Variants in SMG6 observed in about 807,000 individuals in gnomAD.
SMG6 encodes telomerase-binding protein EST1A.
In SMG6, 66 loss-of-function variants were observed where a neutral mutation model predicts 142.2. The ratio of observed to expected loss-of-function variants is 0.46; its 90% confidence interval spans 0.38 to 0.57. SMG6 has a LOEUF of 0.57. Ranked by LOEUF, SMG6 falls within the 20% of genes least tolerant of loss-of-function variation. The pLI, the probability that SMG6 is intolerant of heterozygous loss-of-function variation, is 0.00. For synonymous variants in SMG6, 779 were observed against 702.4 expected, an observed-to-expected ratio of 1.11 and a Z score of -1.72; for missense variants, 1,793 against 1,832.0, an observed-to-expected ratio of 0.98 and a Z score of 0.39.
At chr17:2,088,783 A>G in intron 13 of SMG6, 3 of 985,476 alleles carry the variant, frequency 3.0e-6, no homozygotes, top group Non-Finnish European at 3.6e-6. Flanking sequence ...AGAGGCACAG[A>G]GAAACCTTCT....
chr17:2,211,393 G>A (rs1464477008), intron 10 of SMG6, among the ~76,000 whole-genome samples: 3 of 152,090 alleles, frequency 2.0e-5, no homozygotes, highest in Non-Finnish European at 2.9e-5. Flanking sequence ...GGCCAGGCGC[G>A]GTGGCTCACG....
chr17:2,230,442 G>A (rs1178032971), intron 10 of SMG6, among the ~76,000 whole-genome samples: 1 of 151,686 alleles, frequency 6.6e-6, no homozygotes, highest in Non-Finnish European at 1.5e-5. Context: ...AAGCAGCCAT[G>A]GACACCAAAC....
At chr17:2,146,716 C>G (rs1267228667) in intron 13 of SMG6, among the ~76,000 whole-genome samples, 1 of 152,154 alleles carries the variant, frequency 6.6e-6, no homozygotes, top group East Asian at 1.9e-4. Context: ...CAGGCGCATG[C>G]TGCCACGCCC....
chr17:2,268,284 T>C (rs569413784), intron 8 of SMG6, among the ~76,000 whole-genome samples: 7 of 152,278 alleles, frequency 4.6e-5, no homozygotes, highest in East Asian at 1.9e-4. Flanking sequence ...CTCTAGGAAT[T>C]AGAACTCATT....
intron 10 of SMG6, among the ~76,000 whole-genome samples, chr17:2,230,043 G>A (rs1238145984): frequency 4.0e-5 from 6 of 150,886 alleles, no homozygotes; most frequent in Non-Finnish European, 5.9e-5. Flanking sequence ...AAAATTAGCC[G>A]GGTGTGGTGG....
chr17:2,277,194 A>T (rs2074678177), intron 8 of SMG6, among the ~76,000 whole-genome samples: 2 of 127,300 alleles, frequency 1.6e-5, no homozygotes, highest in Non-Finnish European at 3.2e-5. Flanking sequence ...TTTGAGACAG[A>T]GTCTCGCTGT....
intron 8 of SMG6, among the ~76,000 whole-genome samples, chr17:2,251,284 C>A (rs1597711619): frequency 6.6e-6 from 1 of 150,404 alleles, no homozygotes; most frequent in African/African-American, 2.4e-5. Flanking sequence ...AAAAAAAAAG[C>A]ACGGGAAAAC....
chr17:2,199,789 T>A (rs2072457218), intron 10 of SMG6: 1 of 150,486 alleles, frequency 6.6e-6, no homozygotes, highest in Non-Finnish European at 1.5e-5. Context: ...GTGCCTGTAG[T>A]CCCAGCTACT....
chr17:2,242,360 A>G (rs1274970489), intron 9 of SMG6, among the ~76,000 whole-genome samples: 1 of 134,448 alleles, frequency 7.4e-6, no homozygotes, highest in Non-Finnish European at 1.6e-5. Context: ...AAGATACAAA[A>G]AAAAAAAAAA....
In SMG6 at chr17:2,188,478, T is replaced by G. The variant is rs764189966; in HGVS notation, c.2907A>C (p.Glu969Asp). The G allele has an allele frequency of 1.9e-6, 3 of 1,613,990 alleles. No individual in the cohort carries two copies. The East Asian group carries it at 6.7e-5, about 36-fold the overall frequency. The stretch of plus-strand genomic sequence containing the variant: ...TGGCCAAGCCCAGAGCTGCGGCTTG[T>G]TCCTGGATCACAGAGCGGCACTCCT... ...FSEECRSVIQ[E>D]QAAALGLAMF... is the part of the protein sequence containing the mutation. Residue 969 changes from glutamate to aspartate, a missense_variant, in exon 11 of 19, where the codon GAA becomes GAC. Physicochemically the swap from Glu to Asp is conservative, Grantham distance 45 (BLOSUM62 2). Around this residue, in one of 3 missense-constraint regions of SMG6, gnomAD observed 1,597 missense variants for 1,584.6 expected, o/e 1.01. Coordinates refer to ENST00000263073, the MANE Select transcript of SMG6 (RefSeq NM_017575.5).
intron 10 of SMG6, among the ~76,000 whole-genome samples, chr17:2,203,861 C>T (rs1429163363): frequency 1.3e-5 from 2 of 152,156 alleles, no homozygotes; most frequent in Non-Finnish European, 2.9e-5. Flanking sequence ...CTGCAGACAC[C>T]CTGATTCAGA....
At chr17:2,133,526 T>C (rs138637014) in intron 13 of SMG6, among the ~76,000 whole-genome samples, 29 of 152,278 alleles carry the variant, frequency 1.9e-4, no homozygotes, top group Non-Finnish European at 3.7e-4. Flanking sequence ...GATTTTTAGC[T>C]AAGAGTATGA....
At chr17:2,209,228 T>C (rs758778874) in intron 10 of SMG6, among the ~76,000 whole-genome samples, 2 of 152,200 alleles carry the variant, frequency 1.3e-5, no homozygotes, top group Admixed American at 6.5e-5. Context: ...TGGTTTTGTA[T>C]TGAGATGGAG....
intron 10 of SMG6, among the ~76,000 whole-genome samples, chr17:2,217,448 C>T (rs770387802): frequency 6.6e-5 from 10 of 152,062 alleles, no homozygotes; most frequent in East Asian, 1.9e-4. Context: ...TGAAGCCACA[C>T]GGTCTTCAGG....
intron 1 of SMG6, among the ~76,000 whole-genome samples, chr17:2,301,852 A>T (rs1442448232): frequency 1.3e-5 from 2 of 152,190 alleles, no homozygotes; most frequent in African/African-American, 4.8e-5. Context: ...CTGGTTTTTT[A>T]AAAAAGTATC....
At chr17:2,118,402 A>G (rs1347903801) in intron 13 of SMG6, among the ~76,000 whole-genome samples, 1 of 152,078 alleles carries the variant, frequency 6.6e-6, no homozygotes, top group Admixed American at 6.6e-5. Context: ...AGCCAAGCAT[A>G]GTGGTGTGCA....
At chr17:2,273,249 C>T (rs2074577309) in intron 8 of SMG6, among the ~76,000 whole-genome samples, 1 of 152,176 alleles carries the variant, frequency 6.6e-6, no homozygotes, top group Non-Finnish European at 1.5e-5. Context: ...GGTGTGGTGG[C>T]TCATGCCTGT....
At chr17:2,219,200 C>T (rs1040764907) in intron 10 of SMG6, among the ~76,000 whole-genome samples, 7 of 151,440 alleles carry the variant, frequency 4.6e-5, no homozygotes, top group African/African-American at 1.7e-4. Flanking sequence ...GCCTGGCCAA[C>T]AAGACAAAGC....
intron 9 of SMG6, among the ~76,000 whole-genome samples, chr17:2,238,450 C>T (rs1291037442): frequency 2.0e-5 from 3 of 152,110 alleles, no homozygotes; most frequent in Non-Finnish European, 4.4e-5. Flanking sequence ...GGACTAGATC[C>T]GTTTTTCCCC....
Sources: allele counts gnomAD v4.1 joint callset (sites outside exome capture counted in the v4.1 genomes callset), GRCh38; gene constraint gnomAD v4.1.1; regional missense constraint gnomAD v4.1.1; transcripts MANE v1.5; gene names NCBI Gene and HGNC (gene_info 2026-07-23, HGNC 2026-07-21).